The following HDAC2 variants were observed in gnomAD, a reference collection of about 807,000 sequenced individuals.
HDAC2 encodes the protein histone deacetylase 2.
A neutral mutation model predicts 68.5 loss-of-function variants in HDAC2; 5 were observed. The observed-to-expected ratio is 0.07, with a 90% confidence interval of 0.04 to 0.15. HDAC2 has a LOEUF of 0.15. HDAC2 is among the 10% of genes least tolerant of loss of function. The pLI is 1.00. For synonymous variants in HDAC2, 182 were observed against 191.3 expected (o/e 0.95, Z 0.40); for missense variants, 291 against 600.8 (o/e 0.48, Z 5.39).
rs146761060 is a variant in HDAC2, at chr6:113,941,922, A to C, written c.1379-157T>G. 3.3e-4 allele frequency among the ~76,000 whole-genome samples: 50 copies of C among 152,144 alleles called. 1 individual carries two copies. Among genetic ancestry groups the C allele is most frequent in the Non-Finnish European group, 6.6e-4 (45 of 67,940 alleles). ...ATAAGCTTTGTGTTGGGTGTTTCCT[A>C]AACGATGGCAGTACAAGCTATGAAT... On this transcript the variant is annotated intron_variant, in intron 12 of 13. Transcript: ENST00000519065.
At chr6:113,950,264 G>A (rs1776378035) in intron 6 of HDAC2, among the ~76,000 whole-genome samples, 1 of 152,214 alleles carries the variant, frequency 6.6e-6, no homozygotes, top group South Asian at 2.1e-4. Flanking sequence ...ATTTGTAGGT[G>A]TGCATATGCA....
intron 5 of HDAC2, 33 bp downstream of exon 5, chr6:113,955,980 C>A: frequency 6.7e-7 from 1 of 1,490,456 alleles, no homozygotes; most frequent in Non-Finnish European, 9.1e-7. Flanking sequence ...AACACTTTAT[C>A]ACTGAAAAGA....
At chr6:113,951,470 CTTTT>C (rs10715453) in intron 6 of HDAC2, among the ~76,000 whole-genome samples, 7 of 117,202 alleles carry the variant, frequency 6.0e-5, no homozygotes, top group Non-Finnish European at 5.3e-5. Context: ...ACTGTAAAAT[CTTTT>C]TTTTTTTTTT....
chr6:113,951,839 C>G (rs1338578437), intron 6 of HDAC2, among the ~76,000 whole-genome samples: 4 of 152,154 alleles, frequency 2.6e-5, no homozygotes, highest in Admixed American at 1.3e-4. Context: ...AAACAGCATT[C>G]TCTAATATTT....
chr6:113,950,292 G>C (rs931203301), intron 6 of HDAC2, among the ~76,000 whole-genome samples: 7 of 151,932 alleles, frequency 4.6e-5, no homozygotes, highest in South Asian at 2.1e-4. Flanking sequence ...GTGTGTATAC[G>C]TATTCCTAGA....
At chr6:113,959,853 T>C (rs1043628135) in intron 2 of HDAC2, 53 bp downstream of exon 2, 9 of 754,064 alleles carry the variant, frequency 1.2e-5, no homozygotes, top group Non-Finnish European at 1.8e-5. Flanking sequence ...TCACAGTAGC[T>C]AAAAAAAAAT....
chr6:113,945,153 T>C (rs1279351726), intron 10 of HDAC2, among the ~76,000 whole-genome samples: 2 of 148,914 alleles, frequency 1.3e-5, no homozygotes, highest in South Asian at 4.2e-4. Context: ...GAGACCAGCC[T>C]GGGCAACCAA....
At chr6:113,954,931 T>C (rs1053228907) in intron 5 of HDAC2, among the ~76,000 whole-genome samples, 2 of 152,112 alleles carry the variant, frequency 1.3e-5, no homozygotes, top group African/African-American at 4.8e-5. Flanking sequence ...TAAGGAAAAA[T>C]AACTCCTTCA....
chr6:113,959,372 T>C (rs1339917646), intron 2 of HDAC2, among the ~76,000 whole-genome samples: 1 of 152,052 alleles, frequency 6.6e-6, no homozygotes, highest in Non-Finnish European at 1.5e-5. Context: ...AATAGCTAAT[T>C]GTCGTGTCTG....
Position 113,941,025 on chromosome 6 carries a change from A to T in HDAC2, c.*33T>A. 6.4e-7 allele frequency: 1 copy of T among 1,565,622 alleles called. No individual in the cohort carries two copies. Among genetic ancestry groups the T allele is most frequent in the Non-Finnish European group, 8.8e-7 (1 of 1,141,384 alleles). ...ATTTTCCTTTCAATATTTTCTTTTT[A>T]ATGATTTTCTGAAATTGGTGAGACT... is the stretch of plus-strand genomic sequence containing the variant. On this transcript the variant is annotated 3_prime_UTR_variant, in exon 14 of 14. Coordinates refer to ENST00000519065, the MANE Select transcript of HDAC2 (RefSeq NM_001527.4).
chr6:113,962,086 G>GA lies in HDAC2; in HGVS notation c.53-2069dup, dbSNP rs773112164. Among the ~76,000 whole-genome samples the GA allele has an allele frequency of 7.1e-3, 943 of 133,170 alleles. 6 individuals carry two copies. Among genetic ancestry groups the GA allele is most frequent in the African/African-American group, 0.021 (760 of 36,286 alleles). The allele number at this position is 133,170 out of a possible 152,430, so 87.4% of individuals were successfully genotyped here. ...TAGCAATTTCTGAGCAAGTGTGTTT[G>GA]AAAAAAAAAAAAAGCAGTAATTAAC... On this transcript the variant is annotated intron_variant, in intron 1 of 13. Transcript: ENST00000519065.
chr6:113,966,708 CAA>C (rs1398662114), intron 1 of HDAC2, among the ~76,000 whole-genome samples: 1 of 151,416 alleles, frequency 6.6e-6, no homozygotes, highest in African/African-American at 2.4e-5. Flanking sequence ...AGGAGAGAGA[CAA>C]AAGTTATATG....
At position 113,937,270 on chromosome 6, in the gene HDAC2, T is replaced by C. The variant is rs1562137116; in HGVS notation, c.*3788A>G. 6.6e-6 allele frequency: 1 copy of C among 152,208 alleles called. No homozygotes were observed. The highest frequency in any genetic ancestry group is 2.4e-5 in the African/African-American group (1 of 41,446). 9.4% of individuals were successfully genotyped at this position (152,208 alleles called of 1,614,324 possible). ...AGTTATCAAAAAAACTTCAGCAGTA[T>C]TACTACATCAAAACCATAAAAAACA... On this transcript the variant is annotated 3_prime_UTR_variant, in exon 14 of 14. Transcript: ENST00000519065.
intron 8 of HDAC2, chr6:113,946,715 T>A (rs960793322): frequency 6.6e-6 from 1 of 152,100 alleles, no homozygotes; most frequent in Non-Finnish European, 1.5e-5. Flanking sequence ...ATAGTAAACC[T>A]AACATAAAAG....
rs1030101510 is a variant in HDAC2, at chr6:113,966,513, G to A, written c.52+4344C>T. ...GGAGGTTGCAGTGAGCTGGGATCAC[G>A]CCACTGCACTCCAGCCTGGGCAATA... is the stretch of plus-strand genomic sequence containing the variant. On this transcript the variant is annotated intron_variant, in intron 1 of 13. Coordinates refer to ENST00000519065, the MANE Select transcript of HDAC2 (RefSeq NM_001527.4). Among the ~76,000 whole-genome samples, 10 of 146,944 alleles carry A rather than the reference G, an allele frequency of 6.8e-5. No homozygotes were observed. In the East Asian group the frequency reaches 8.0e-4, roughly 12 times the overall value.
intron 1 of HDAC2, among the ~76,000 whole-genome samples, chr6:113,961,300 A>G (rs931112379): frequency 6.6e-5 from 10 of 152,160 alleles, no homozygotes; most frequent in Non-Finnish European, 1.3e-4. Flanking sequence ...TCTCTCCTAC[A>G]TATTTGATAA....
intron 1 of HDAC2, among the ~76,000 whole-genome samples, chr6:113,967,356 C>T (rs1443760281): frequency 6.6e-6 from 1 of 152,056 alleles, no homozygotes; most frequent in Non-Finnish European, 1.5e-5. Flanking sequence ...CTCAAACTCC[C>T]GACCTCAGGT....
At chr6:113,966,719 T>C (rs903086419) in intron 1 of HDAC2, among the ~76,000 whole-genome samples, 7 of 152,164 alleles carry the variant, frequency 4.6e-5, no homozygotes, top group South Asian at 2.1e-4. Context: ...AAAAGTTATA[T>C]GGTACAACCA....
chr6:113,938,473 C>T lies in HDAC2; in HGVS notation c.*2585G>A, dbSNP rs1776056326. 6.6e-6 allele frequency: 1 copy of T among 152,030 alleles called. No individual in the cohort carries two copies. Among genetic ancestry groups the T allele is most frequent in the Admixed American group, 6.5e-5 (1 of 15,268 alleles). 9.4% of individuals were successfully genotyped at this position (152,030 alleles called of 1,614,324 possible). ...TTTTATAGTTGAGTTTGGTGTCACA[C>T]TTAGGCCTTCTTCAATCCATTTGCT... is the stretch of plus-strand genomic sequence containing the variant. On this transcript the variant is annotated 3_prime_UTR_variant, in exon 14 of 14. Transcript: ENST00000519065.
Sources: allele counts gnomAD v4.1 joint callset (sites outside exome capture counted in the v4.1 genomes callset), GRCh38; gene constraint gnomAD v4.1.1; transcripts MANE v1.5; gene names NCBI Gene and HGNC (gene_info 2026-07-23, HGNC 2026-07-21).